The following MAST2 variants were observed in gnomAD, a reference collection of about 807,000 sequenced individuals.
MAST2 encodes the protein microtubule associated serine/threonine kinase 2.
MAST2 carries 70 observed loss-of-function variants against 147.4 expected under a neutral mutation model. The observed-to-expected ratio is 0.47, with a 90% CI of 0.39 to 0.58. The LOEUF is 0.58. Among genes scored for constraint, MAST2 ranks in the 20% least tolerant of loss-of-function variants. MAST2 has a pLI of 0.00. For synonymous variants in MAST2, 869 were observed against 896.8 expected, an observed-to-expected ratio of 0.97 and a Z score of 0.55; for missense variants, 2,080 against 2,302.3, an observed-to-expected ratio of 0.90 and a Z score of 1.98.
chr1:45,969,342 G>C (rs1485674569), intron 5 of MAST2, among the ~76,000 whole-genome samples: 5 of 152,178 alleles, frequency 3.3e-5, no homozygotes, highest in African/African-American at 1.2e-4. Flanking sequence ...GAGGAGAAGT[G>C]TTCCATAGCA....
intron 3 of MAST2, among the ~76,000 whole-genome samples, chr1:45,837,486 T>A (rs1168283153): frequency 6.6e-6 from 1 of 152,236 alleles, no homozygotes; most frequent in African/African-American, 2.4e-5. Context: ...TCCATTGGCA[T>A]GGGTATATAG....
intron 4 of MAST2, among the ~76,000 whole-genome samples, chr1:45,929,637 G>T (rs987655176): frequency 6.6e-6 from 1 of 152,164 alleles, no homozygotes; most frequent in East Asian, 1.9e-4. Context: ...GCCTCATTTT[G>T]GTAGATAGGA....
intron 4 of MAST2, among the ~76,000 whole-genome samples, chr1:45,899,541 T>C (rs1649389778): frequency 6.6e-6 from 1 of 152,100 alleles, no homozygotes; most frequent in Non-Finnish European, 1.5e-5. Flanking sequence ...CTCTCACTTA[T>C]AAGTGAGTAC....
At chr1:45,816,836 C>T (rs188178866) in intron 1 of MAST2, among the ~76,000 whole-genome samples, 14 of 152,236 alleles carry the variant, frequency 9.2e-5, no homozygotes, top group African/African-American at 3.4e-4. Flanking sequence ...TGCCACCACA[C>T]CTGGCTAATT....
chr1:45,906,721 A>G (rs1039847031), intron 4 of MAST2, among the ~76,000 whole-genome samples: 3 of 150,700 alleles, frequency 2.0e-5, no homozygotes, highest in African/African-American at 7.3e-5. Flanking sequence ...TTATTATGCA[A>G]TATTAAATAG....
At chr1:45,967,367 G>A (rs894828870) in intron 5 of MAST2, among the ~76,000 whole-genome samples, 14 of 152,094 alleles carry the variant, frequency 9.2e-5, no homozygotes, top group African/African-American at 3.4e-4. Context: ...ACTGCACCTG[G>A]CCTTGCATAT....
intron 9 of MAST2, among the ~76,000 whole-genome samples, 199 bp from the exon 10 acceptor site, chr1:46,010,531 A>G (rs927020487): frequency 8.5e-5 from 13 of 152,196 alleles, no homozygotes; most frequent in African/African-American, 2.4e-4. Flanking sequence ...GGCCTTGAAT[A>G]TAAAGCTAAG....
At chr1:45,811,130 C>T (rs1469858858) in intron 1 of MAST2, among the ~76,000 whole-genome samples, 1 of 149,006 alleles carries the variant, frequency 6.7e-6, no homozygotes, top group Admixed American at 6.7e-5. Flanking sequence ...GGATTACAGG[C>T]GTGGGCCACC....
chr1:45,913,873 G>A (rs1461025682), intron 4 of MAST2: 14 of 1,245,618 alleles, frequency 1.1e-5, no homozygotes, highest in Middle Eastern at 2.2e-4. Context: ...CCATGTCTGC[G>A]GATTCAGTAA....
In MAST2 at chr1:46,035,397, C is replaced by A. The variant is rs897509602; in HGVS notation, c.4728C>A (p.Pro1576=). The part of the protein sequence containing the change: ...ITLGPPRMES[P]SGPHRRLGSP... ...TGGGGCCTCCCAGAATGGAAAGTCC[C>A]AGTGGTCCCCACAGGAGGCTCGGGA... The change falls in exon 29 of 29, where the codon CCC becomes CCA. Residue 1576 remains proline (P), a synonymous_variant. Transcript: ENST00000361297. The surrounding 1 kb of genome is among the most constrained non-coding windows in gnomAD (Gnocchi z 5.5). 1 of 1,612,354 alleles carries A rather than the reference C, an allele frequency of 6.2e-7. No individual in the cohort carries two copies. The highest frequency in any genetic ancestry group is 1.7e-5 in the Admixed American group (1 of 59,812).
At chr1:46,030,016 C>T (rs1646577473) in intron 20 of MAST2, 63 bp downstream of exon 20, 13 of 1,608,288 alleles carry the variant, frequency 8.1e-6, no homozygotes, top group Non-Finnish European at 1.1e-5. Context: ...AACACCTGTG[C>T]ACACTGAAAT....
At chr1:46,005,217 C>A (rs1490646240) in intron 7 of MAST2, among the ~76,000 whole-genome samples, 1 of 152,162 alleles carries the variant, frequency 6.6e-6, no homozygotes. Flanking sequence ...ACAAAATTAC[C>A]CGGGCATGGT....
At chr1:45,959,694 T>G (rs1660132827) in intron 5 of MAST2, among the ~76,000 whole-genome samples, 1 of 152,200 alleles carries the variant, frequency 6.6e-6, no homozygotes, top group Non-Finnish European at 1.5e-5. Flanking sequence ...CAACATTCCT[T>G]TTAGTCTTGT....
At position 45,927,952 on chromosome 1, in the gene MAST2, C is replaced by T. The variant is rs575374860; in HGVS notation, c.501-31434C>T. Among the ~76,000 whole-genome samples the T allele has an allele frequency of 1.7e-4, 26 of 152,322 alleles. No homozygotes were observed. The East Asian group carries it at 4.4e-3, about 26-fold the overall frequency. On this transcript the variant is annotated intron_variant, in intron 4 of 28. Coordinates refer to ENST00000361297, the MANE Select transcript of MAST2 (RefSeq NM_015112.3). Reference sequence around the variant, plus strand: ...CATGTTCTTCTGCCATGGCTTCAGCCGGTCCCTCTGTTTGGGGTCCCTGAC... The same window carrying T: ...CATGTTCTTCTGCCATGGCTTCAGCTGGTCCCTCTGTTTGGGGTCCCTGAC...
chr1:46,030,314 T>C lies in MAST2; in HGVS notation c.2553+76T>C. The C allele has an allele frequency of 4.9e-6, 7 of 1,430,542 alleles. No homozygotes were observed. The South Asian group carries it at 8.5e-5, about 17-fold the overall frequency. The allele number at this position is 1,430,542 out of a possible 1,614,324, so 88.6% of individuals were successfully genotyped here. A position where few individuals can be genotyped will look rare whatever the true frequency, so the allele number is the denominator to read the frequency against. On this transcript the variant is annotated intron_variant, in intron 21 of 28. Transcript: ENST00000361297. Reference sequence around the variant, plus strand: ...AAGAGGGCCTGTCAAAGGGCACACCTGGGGCAGGCTCAGGGAGTTGGGGTT... The same window carrying C: ...AAGAGGGCCTGTCAAAGGGCACACCCGGGGCAGGCTCAGGGAGTTGGGGTT...
At chr1:45,931,867 T>A (rs368723639) in intron 4 of MAST2, among the ~76,000 whole-genome samples, 5 of 152,132 alleles carry the variant, frequency 3.3e-5, no homozygotes, top group African/African-American at 7.2e-5. Context: ...TTTTAAAAAA[T>A]TTTTTTAGAG....
At chr1:45,811,842 G>A (rs1644312102) in intron 1 of MAST2, among the ~76,000 whole-genome samples, 1 of 151,798 alleles carries the variant, frequency 6.6e-6, no homozygotes, top group African/African-American at 2.4e-5. Context: ...CACTGTGTTA[G>A]CCAGGATGGT....
intron 3 of MAST2, among the ~76,000 whole-genome samples, chr1:45,841,984 C>T (rs1035792538): frequency 2.6e-5 from 4 of 152,114 alleles, no homozygotes; most frequent in Non-Finnish European, 5.9e-5. Flanking sequence ...GGAAAGAAGC[C>T]TGGTACCAGA....
intron 3 of MAST2, among the ~76,000 whole-genome samples, chr1:45,843,422 G>C (rs920180623): frequency 3.3e-5 from 5 of 151,894 alleles, no homozygotes; most frequent in Non-Finnish European, 5.9e-5. Flanking sequence ...TTACTTCATC[G>C]ACCCATTTTG....
Sources: allele counts gnomAD v4.1 joint callset (sites outside exome capture counted in the v4.1 genomes callset), GRCh38; gene constraint gnomAD v4.1.1; non-coding constraint Gnocchi (gnomAD v3.1); transcripts MANE v1.5; gene names NCBI Gene and HGNC (gene_info 2026-07-23, HGNC 2026-07-21).